THRB: variants seen among roughly 807,000 people sequenced by gnomAD.
THRB encodes thyroid hormone receptor beta.
Under a neutral mutation model 47.8 loss-of-function variants are expected in THRB, and 12 were observed. The ratio of observed to expected loss-of-function variants is 0.25; its 90% CI spans 0.16 to 0.41. The LOEUF (loss-of-function observed/expected upper bound fraction) is 0.41. THRB is among the 10% of genes least tolerant of loss of function. The pLI, the probability that THRB is intolerant of heterozygous loss-of-function variation, is 1.00. For missense variants in THRB, 348 were observed against 589.2 expected (o/e 0.59, Z 4.24); for synonymous variants, 218 against 212.2 (o/e 1.03, Z -0.24).
chr3:24,223,780 T>C (rs1201709933), intron 4 of THRB, among the ~76,000 whole-genome samples: 1 of 151,920 alleles, frequency 6.6e-6, no homozygotes, highest in East Asian at 1.9e-4. Flanking sequence ...AGAAAATGAA[T>C]TAATTCCCTA....
intron 1 of THRB, chr3:24,458,466 A>G (rs1560235290): frequency 6.6e-6 from 1 of 152,216 alleles, no homozygotes; most frequent in Non-Finnish European, 1.5e-5. Flanking sequence ...TTTGAAGAAT[A>G]CCCCATTTGC....
At chr3:24,174,743 T>C (rs1005157453) in intron 5 of THRB, among the ~76,000 whole-genome samples, 10 of 152,182 alleles carry the variant, frequency 6.6e-5, no homozygotes, top group African/African-American at 2.4e-4. Flanking sequence ...CAGTGGCCCA[T>C]GCACTGTGCT....
intron 1 of THRB, among the ~76,000 whole-genome samples, chr3:24,368,007 T>C (rs899389768): frequency 2.0e-5 from 3 of 152,110 alleles, no homozygotes; most frequent in African/African-American, 7.2e-5. Flanking sequence ...ACAAAAACAG[T>C]TGGAGAGCCA....
chr3:24,414,960 G>A (rs2068622757), intron 1 of THRB, among the ~76,000 whole-genome samples: 1 of 151,812 alleles, frequency 6.6e-6, no homozygotes, highest in Non-Finnish European at 1.5e-5. Context: ...ATTTTCCATG[G>A]CATTTTTGGT....
At chr3:24,141,597 C>T (rs1337209603) in intron 8 of THRB, among the ~76,000 whole-genome samples, 1 of 152,204 alleles carries the variant, frequency 6.6e-6, no homozygotes, top group Non-Finnish European at 1.5e-5. Flanking sequence ...CACATAGTAT[C>T]CACTCAATAA....
chr3:24,412,912 A>G (rs992820123), intron 1 of THRB, among the ~76,000 whole-genome samples: 3 of 151,890 alleles, frequency 2.0e-5, no homozygotes, highest in African/African-American at 7.2e-5. Flanking sequence ...ATGTGAGAAA[A>G]AAATCTAATT....
At chr3:24,350,459 T>G (rs1190824299) in intron 1 of THRB, among the ~76,000 whole-genome samples, 1 of 152,144 alleles carries the variant, frequency 6.6e-6, no homozygotes, top group African/African-American at 2.4e-5. Context: ...TGTTCATCAA[T>G]AGTAGAACAG....
At chr3:24,244,017 T>TA (rs139202329) in intron 3 of THRB, among the ~76,000 whole-genome samples, 1,633 of 151,840 alleles carry the variant, frequency 0.011, 19 homozygotes, top group African/African-American at 0.038. Context: ...ATGTCTAGGT[T>TA]AAAAAAAATG....
chr3:24,190,177 C>A lies in THRB; in HGVS notation c.180G>T (p.Gln60His). The stretch of plus-strand genomic sequence containing the variant: ...GGAATATTGAGCTAGTCCAAGTGGT[C>A]TGGATGAGATGTGGCGACGACTGTT... ...KNEQSSPHLI[Q>H]TTWTSSIFHL... Residue 60 changes from glutamine to histidine, a missense_variant, in exon 5 of 11, where the codon CAG (glutamine) becomes CAT (histidine). Gln to His is a conservative substitution (Grantham distance 24). Around this residue, in one of 5 missense-constraint regions of THRB, gnomAD observed 148 missense variants for 122.3 expected, o/e 1.21. Coordinates refer to ENST00000646209, the MANE Select transcript of THRB (RefSeq NM_001354712.2). 6.2e-7 allele frequency: 1 copy of A among 1,614,122 alleles called. No homozygotes were observed. Among genetic ancestry groups the A allele is most frequent in the Non-Finnish European group, 8.5e-7 (1 of 1,179,990 alleles).
intron 4 of THRB, among the ~76,000 whole-genome samples, chr3:24,218,951 C>A (rs539841033): frequency 2.0e-5 from 3 of 152,176 alleles, no homozygotes; most frequent in Admixed American, 2.0e-4. Context: ...CATCTAAAGA[C>A]AATACATTAA....
intron 1 of THRB, among the ~76,000 whole-genome samples, 163 bp from the exon 2 acceptor site, chr3:24,337,534 T>A (rs547814493): frequency 6.6e-6 from 1 of 152,336 alleles, no homozygotes. Context: ...TAAAATCTTA[T>A]TCTAAAGGGG....
At chr3:24,340,393 C>G (rs961289249) in intron 1 of THRB, among the ~76,000 whole-genome samples, 2 of 151,888 alleles carry the variant, frequency 1.3e-5, no homozygotes, top group Non-Finnish European at 2.9e-5. Context: ...TCCTCTTCCA[C>G]CTTCTTTTCT....
intron 1 of THRB, among the ~76,000 whole-genome samples, chr3:24,472,105 T>C (rs1303654821): frequency 1.3e-5 from 2 of 152,198 alleles, no homozygotes; most frequent in Non-Finnish European, 2.9e-5. Flanking sequence ...GAATTAGAAA[T>C]TGAATCTCAG....
intron 4 of THRB, among the ~76,000 whole-genome samples, chr3:24,208,217 G>T (rs948387839): frequency 6.6e-6 from 1 of 151,672 alleles, no homozygotes; most frequent in East Asian, 1.9e-4. Flanking sequence ...ACAAATGGAA[G>T]AACATTCCAT....
At chr3:24,194,862 G>C (rs935034761) in intron 4 of THRB, among the ~76,000 whole-genome samples, 2 of 152,220 alleles carry the variant, frequency 1.3e-5, no homozygotes, top group Non-Finnish European at 2.9e-5. Context: ...AAGGAAATAG[G>C]ATTATGACAA....
intron 1 of THRB, among the ~76,000 whole-genome samples, chr3:24,432,740 T>C (rs1241866807): frequency 4.6e-5 from 7 of 152,218 alleles, no homozygotes; most frequent in African/African-American, 1.7e-4. Flanking sequence ...ATACTGCATA[T>C]AGAGTGGCTC....
chr3:24,285,398 C>G (rs1449454260), intron 3 of THRB, among the ~76,000 whole-genome samples: 1 of 133,392 alleles, frequency 7.5e-6, no homozygotes, highest in Non-Finnish European at 1.5e-5. Flanking sequence ...CACATGGACA[C>G]AGGAAGGGGA....
intron 4 of THRB, among the ~76,000 whole-genome samples, chr3:24,205,195 T>C (rs1181424437): frequency 3.3e-5 from 5 of 151,956 alleles, no homozygotes; most frequent in Non-Finnish European, 7.4e-5. Context: ...CCAAGACACA[T>C]AATTGTCAGA....
At chr3:24,252,838 T>C (rs1189779889) in intron 3 of THRB, among the ~76,000 whole-genome samples, 1 of 152,052 alleles carries the variant, frequency 6.6e-6, no homozygotes, top group Non-Finnish European at 1.5e-5. Flanking sequence ...GACATCCATA[T>C]ATACAAAGAG....
Sources: gnomAD v4.1 joint callset for allele counts (sites outside exome capture counted in the v4.1 genomes callset) on GRCh38, gnomAD v4.1.1 for gene constraint, gnomAD v4.1.1 regional missense constraint, MANE v1.5 for transcripts, NCBI Gene and HGNC (gene_info 2026-07-23, HGNC 2026-07-21) for gene names.